SLA: variants seen among roughly 807,000 people sequenced by gnomAD.
SLA encodes the protein src-like-adapter.
In SLA, 16 loss-of-function variants were observed where a neutral mutation model predicts 30.3. The observed-to-expected ratio is 0.53, with a 90% CI of 0.36 to 0.80. SLA has a LOEUF of 0.80. SLA is among the 30% of genes least tolerant of loss of function. The probability of loss-of-function intolerance (pLI) is 0.01; values close to 1 mark genes in which losing one functional copy is unlikely to be tolerated. For missense variants in SLA, 310 were observed against 345.2 expected, an observed-to-expected ratio of 0.90 and a Z score of 0.81; for synonymous variants, 143 against 137.8, an observed-to-expected ratio of 1.04 and a Z score of -0.26.
chr8:133,060,450 T>G (rs1842209112), intron 2 of SLA: 2 of 1,292,906 alleles, frequency 1.5e-6, no homozygotes, highest in Admixed American at 2.8e-5. Flanking sequence ...TGGCAAAAGT[T>G]TCCATTCCTC....
chr8:133,050,690 C>T, intron 4 of SLA, 126 bp downstream of exon 4: 1 of 664,250 alleles, frequency 1.5e-6, no homozygotes, highest in Admixed American at 2.4e-5. Context: ...GGTCAAATTT[C>T]TCACCTCATA....
chr8:133,068,724 T>C (rs1054963367), intron 2 of SLA, among the ~76,000 whole-genome samples: 1 of 152,210 alleles, frequency 6.6e-6, no homozygotes, highest in Admixed American at 6.5e-5. Flanking sequence ...CTGTCTGGCA[T>C]ACGGAGGCGG....
At chr8:133,039,322 C>G (rs1282840329) in intron 8 of SLA, among the ~76,000 whole-genome samples, 1 of 152,178 alleles carries the variant, frequency 6.6e-6, no homozygotes, top group Non-Finnish European at 1.5e-5. Flanking sequence ...CTGAACTGCT[C>G]TTTTCTTGGA....
In SLA at chr8:133,036,865, A is replaced by T. The variant is rs1309336293; in HGVS notation, c.*1659T>A. On this transcript the variant is annotated 3_prime_UTR_variant, in exon 9 of 9. Transcript: ENST00000338087. ...AATCACATTCGTCACAACGGAAAAC[A>T]ACACATAAGATACTGTGCAGACATC... is the stretch of plus-strand genomic sequence containing the variant. The T allele has an allele frequency of 1.3e-5, 2 of 152,626 alleles. No individual in the cohort carries two copies. The highest frequency in any genetic ancestry group is 4.8e-5 in the African/African-American group (2 of 41,446). The allele number at this position is 152,626 out of a possible 1,614,324, so 9.5% of individuals were successfully genotyped here.
At chr8:133,054,612 G>A (rs942707453) in intron 3 of SLA, among the ~76,000 whole-genome samples, 1 of 152,176 alleles carries the variant, frequency 6.6e-6, no homozygotes, top group Non-Finnish European at 1.5e-5. Context: ...CTCAAGACCA[G>A]TGTTAGCCAA....
intron 2 of SLA, among the ~76,000 whole-genome samples, chr8:133,074,587 G>C (rs111727053): frequency 5.9e-5 from 9 of 152,318 alleles, no homozygotes; most frequent in African/African-American, 2.2e-4. Context: ...CTAAGTACAA[G>C]CCTTTTTGGC....
chr8:133,097,992 T>TA (rs1344815638), intron 1 of SLA, among the ~76,000 whole-genome samples: 1 of 152,068 alleles, frequency 6.6e-6, no homozygotes, highest in Non-Finnish European at 1.5e-5. Flanking sequence ...AAGTAAAACT[T>TA]AGTCACCCTC....
intron 1 of SLA, among the ~76,000 whole-genome samples, chr8:133,087,040 A>G (rs1378000298): frequency 2.6e-5 from 4 of 151,580 alleles, no homozygotes; most frequent in Non-Finnish European, 5.9e-5. Flanking sequence ...CTCAAAAACA[A>G]TATGCTGTAT....
chr8:133,090,305 G>C (rs931781916), intron 1 of SLA, among the ~76,000 whole-genome samples: 11 of 152,202 alleles, frequency 7.2e-5, no homozygotes, highest in Admixed American at 2.0e-4. Context: ...AGAAGCCCTG[G>C]GTTTGGAGTT....
chr8:133,070,833 G>A (rs1466106150), intron 2 of SLA, among the ~76,000 whole-genome samples: 2 of 152,236 alleles, frequency 1.3e-5, no homozygotes, highest in Admixed American at 1.3e-4. Context: ...GCTCCTGACC[G>A]TGGTGAAGTT....
chr8:133,073,665 TA>T (rs1844418045), intron 2 of SLA, among the ~76,000 whole-genome samples: 3 of 152,214 alleles, frequency 2.0e-5, no homozygotes, highest in Non-Finnish European at 4.4e-5. Context: ...CAGCATCTCA[TA>T]GCAAACCACA....
intron 2 of SLA, among the ~76,000 whole-genome samples, chr8:133,070,841 G>A (rs1587986197): frequency 6.6e-6 from 1 of 152,340 alleles, no homozygotes; most frequent in South Asian, 2.1e-4. Context: ...CCGTGGTGAA[G>A]TTGTCCCTTC....
chr8:133,039,978 C>T lies in SLA; in HGVS notation c.617+20G>A, dbSNP rs1837891784. 3 of 847,500 alleles carry T rather than the reference C, an allele frequency of 3.5e-6. No individual in the cohort carries two copies. Among genetic ancestry groups the T allele is most frequent in the Non-Finnish European group, 4.5e-6 (3 of 665,210 alleles). 52.5% of individuals were successfully genotyped at this position (847,500 alleles called of 1,614,324 possible). On this transcript the variant is annotated intron_variant, in intron 8 of 8. Coordinates refer to ENST00000338087, the MANE Select transcript of SLA (RefSeq NM_001045556.3). ...GCACACACACACACACACACACACA[C>T]ATACACACACCATACTCACCTGGAC...
At position 133,038,202 on chromosome 8, in the gene SLA, G is replaced by A. The variant is rs1018536555; in HGVS notation, c.*322C>T. On this transcript the variant is annotated 3_prime_UTR_variant, in exon 9 of 9. Coordinates refer to ENST00000338087, the MANE Select transcript of SLA (RefSeq NM_001045556.3). Reference sequence around the variant, plus strand: ...TCCAGTTCCTTGGAGAGCAGTCCTGGTGCCCTTTCTTGTGAGAGTGGCTTT... The same window carrying A: ...TCCAGTTCCTTGGAGAGCAGTCCTGATGCCCTTTCTTGTGAGAGTGGCTTT... 14 of 361,840 alleles carry A rather than the reference G, an allele frequency of 3.9e-5. No homozygotes were observed. Among genetic ancestry groups the A allele is most frequent in the Non-Finnish European group, 4.1e-5 (8 of 192,934 alleles). The allele number at this position is 361,840 out of a possible 1,614,324, so 22.4% of individuals were successfully genotyped here. A position where few individuals can be genotyped will look rare whatever the true frequency, so the allele number is the denominator to read the frequency against.
intron 1 of SLA, among the ~76,000 whole-genome samples, chr8:133,098,145 T>C (rs1848714133): frequency 6.6e-6 from 1 of 152,150 alleles, no homozygotes. Context: ...AGACAACCAT[T>C]CAGGAATCAC....
chr8:133,101,920 T>C (rs1849306829), intron 1 of SLA, among the ~76,000 whole-genome samples: 1 of 152,160 alleles, frequency 6.6e-6, no homozygotes. Flanking sequence ...AGGGAGAGTG[T>C]CCTGGGTGTC....
chr8:133,073,523 A>C (rs1289899936), intron 2 of SLA, among the ~76,000 whole-genome samples: 6 of 152,128 alleles, frequency 3.9e-5, no homozygotes, highest in Admixed American at 2.0e-4. Context: ...CACCAAGCCC[A>C]GCTAATTTTT....
At chr8:133,099,761 C>G (rs533205257) in intron 1 of SLA, among the ~76,000 whole-genome samples, 1 of 152,284 alleles carries the variant, frequency 6.6e-6, no homozygotes, top group Non-Finnish European at 1.5e-5. Context: ...CATACCCTAC[C>G]AGCATTCTAT....
At chr8:133,059,557 G>A (rs1411524878) in intron 3 of SLA, among the ~76,000 whole-genome samples, 9 of 152,084 alleles carry the variant, frequency 5.9e-5, no homozygotes, top group South Asian at 2.1e-4. Context: ...CTCTTCCCCC[G>A]AGAATGCTTG....
Sources: allele counts gnomAD v4.1 joint callset (sites outside exome capture counted in the v4.1 genomes callset), GRCh38; gene constraint gnomAD v4.1.1; transcripts MANE v1.5; gene names NCBI Gene and HGNC (gene_info 2026-07-23, HGNC 2026-07-21).